ATXN7: variants seen among roughly 807,000 people sequenced by gnomAD.
The protein encoded by ATXN7 is ataxin 7, also known as ataxin-7.
ATXN7 carries 12 observed loss-of-function variants against 70.5 expected under a neutral mutation model. That is an observed-to-expected ratio of 0.17 (90% CI 0.11 to 0.28). The LOEUF (loss-of-function observed/expected upper bound fraction) is 0.28. Ranked by LOEUF, ATXN7 falls within the 10% of genes least tolerant of loss-of-function variation. ATXN7 has a pLI of 1.00. For synonymous variants in ATXN7, 498 were observed against 448.7 expected, an observed-to-expected ratio of 1.11 and a Z score of -1.39; for missense variants, 1,256 against 1,131.7, an observed-to-expected ratio of 1.11 and a Z score of -1.58.
intron 1 of ATXN7, among the ~76,000 whole-genome samples, chr3:63,878,076 A>G (rs1702797443): frequency 6.6e-6 from 1 of 152,230 alleles, no homozygotes; most frequent in African/African-American, 2.4e-5. Context: ...AGAAGGAAGG[A>G]TGGCAGGCAG....
At chr3:63,954,001 T>A (rs921740298) in intron 5 of ATXN7, among the ~76,000 whole-genome samples, 23 of 152,242 alleles carry the variant, frequency 1.5e-4, no homozygotes, top group Non-Finnish European at 1.9e-4. Context: ...ACTGCTGTTG[T>A]TGGGTTAAGA....
In ATXN7 at chr3:63,996,395, A is replaced by T. The variant is rs768488055; in HGVS notation, c.2573A>T (p.Lys858Ile). 6.2e-7 allele frequency: 1 copy of T among 1,614,176 alleles called. No homozygotes were observed. Among genetic ancestry groups the T allele is most frequent in the Admixed American group, 1.7e-5 (1 of 60,028 alleles). Reference protein sequence around the residue: ...NSSSKPTKVAKVPAVNNVHMK... With the variant: ...NSSSKPTKVAIVPAVNNVHMK... Reference sequence around the variant, plus strand: ...AGCAGCAAACCCACAAAGGTTGCCAAAGTGCCAGCCGTGAACAATGTCCAC... The same window carrying T: ...AGCAGCAAACCCACAAAGGTTGCCATAGTGCCAGCCGTGAACAATGTCCAC... Residue 858 changes from lysine to isoleucine, a missense_variant, in exon 12 of 13, where the codon AAA (lysine) becomes ATA (isoleucine). Lys to Ile is a moderately radical substitution (Grantham distance 102). Coordinates refer to ENST00000674280, the MANE Select transcript of ATXN7 (RefSeq NM_001377405.1).
At chr3:63,929,506 C>G (rs928350233) in intron 4 of ATXN7, among the ~76,000 whole-genome samples, 1 of 152,108 alleles carries the variant, frequency 6.6e-6, no homozygotes, top group Non-Finnish European at 1.5e-5. Flanking sequence ...CTCCTGACCT[C>G]GTGATGCGCC....
chr3:64,001,419 G>T lies in ATXN7; in HGVS notation c.*1952G>T, dbSNP rs2075831793. 1 of 152,174 alleles carries T rather than the reference G, an allele frequency of 6.6e-6. No individual in the cohort carries two copies. The highest frequency in any genetic ancestry group is 1.5e-5 in the Non-Finnish European group (1 of 68,034). 9.4% of individuals were successfully genotyped at this position (152,174 alleles called of 1,614,324 possible). On this transcript the variant is annotated 3_prime_UTR_variant, in exon 13 of 13. Transcript: ENST00000674280. Reference sequence around the variant, plus strand: ...GAGAGAGGTGAGAGGGAATCAGAACGTACCTAGTTGATTCCTTGGTGACAA... The same window carrying T: ...GAGAGAGGTGAGAGGGAATCAGAACTTACCTAGTTGATTCCTTGGTGACAA...
chr3:63,946,573 G>A (rs2074867673), intron 4 of ATXN7, among the ~76,000 whole-genome samples: 2 of 151,920 alleles, frequency 1.3e-5, no homozygotes, highest in African/African-American at 2.4e-5. Context: ...AACCCGGGAG[G>A]CGGAGCTTGC....
At chr3:63,916,478 T>C (rs1214812872) in intron 4 of ATXN7, among the ~76,000 whole-genome samples, 1 of 152,246 alleles carries the variant, frequency 6.6e-6, no homozygotes, top group East Asian at 1.9e-4. Context: ...GCCTGTTTTT[T>C]CTTTTCACTT....
chr3:63,878,922 T>C (rs1426731982), intron 1 of ATXN7, among the ~76,000 whole-genome samples: 1 of 152,156 alleles, frequency 6.6e-6, no homozygotes, highest in Non-Finnish European at 1.5e-5. Flanking sequence ...TCCAGTGCCT[T>C]CTATTGGCCA....
intron 2 of ATXN7, among the ~76,000 whole-genome samples, chr3:63,899,953 G>A (rs1049825510): frequency 6.6e-6 from 1 of 152,144 alleles, no homozygotes. Flanking sequence ...GCACAGTGGT[G>A]CATGTGTATA....
At chr3:63,884,227 ACAC>A (rs1703005476) in intron 1 of ATXN7, among the ~76,000 whole-genome samples, 1 of 148,010 alleles carries the variant, frequency 6.8e-6, no homozygotes, top group African/African-American at 2.5e-5. Flanking sequence ...ACACACACAC[ACAC>A]ACACACACAC....
chr3:63,968,590 C>T (rs1559650027), intron 5 of ATXN7: 1 of 152,164 alleles, frequency 6.6e-6, no homozygotes, highest in Non-Finnish European at 1.5e-5. Flanking sequence ...GGAAGAACAA[C>T]TTCAAAATAC....
intron 5 of ATXN7, among the ~76,000 whole-genome samples, chr3:63,953,508 C>T (rs1209319958): frequency 6.6e-6 from 1 of 152,144 alleles, no homozygotes; most frequent in African/African-American, 2.4e-5. Flanking sequence ...GAGAGTAACA[C>T]AGTCCTATTT....
intron 1 of ATXN7, among the ~76,000 whole-genome samples, chr3:63,881,484 A>AT (rs909777356): frequency 0.021 from 2,540 of 120,718 alleles, 38 homozygotes; most frequent in African/African-American, 0.033. Context: ...TGGTTGGAGC[A>AT]TTTTTTTTTT....
intron 4 of ATXN7, among the ~76,000 whole-genome samples, chr3:63,939,726 C>G (rs1336980763): frequency 6.6e-6 from 1 of 152,154 alleles, no homozygotes; most frequent in African/African-American, 2.4e-5. Context: ...ATTTCAACCT[C>G]TCCTCCCCAA....
At chr3:63,967,082 G>A (rs1037573959) in intron 5 of ATXN7, among the ~76,000 whole-genome samples, 1 of 152,302 alleles carries the variant, frequency 6.6e-6, no homozygotes, top group East Asian at 1.9e-4. Flanking sequence ...GGGATTACAG[G>A]TGTGAGCCAT....
intron 11 of ATXN7, among the ~76,000 whole-genome samples, chr3:63,991,326 A>G (rs2075668985): frequency 8.6e-6 from 1 of 115,754 alleles, no homozygotes; most frequent in African/African-American, 3.4e-5. Flanking sequence ...TTTTTTTAAT[A>G]GATGACAAAA....
intron 4 of ATXN7, among the ~76,000 whole-genome samples, chr3:63,946,560 G>C (rs1445379070): frequency 2.0e-5 from 3 of 151,656 alleles, no homozygotes; most frequent in African/African-American, 7.3e-5. Flanking sequence ...GGAGAATGGC[G>C]TGAACCCGGG....
chr3:63,983,167 C>A, intron 8 of ATXN7, 146 bp downstream of exon 8: 3 of 670,468 alleles, frequency 4.5e-6, no homozygotes, highest in South Asian at 1.8e-5. Context: ...TAACTTGGTT[C>A]TGTTGAAGAA....
intron 5 of ATXN7, among the ~76,000 whole-genome samples, chr3:63,961,193 A>AT (rs1360277478): frequency 6.6e-6 from 1 of 152,172 alleles, no homozygotes; most frequent in African/African-American, 2.4e-5. Flanking sequence ...TTCCCCTCAC[A>AT]TAAAAAAAAG....
intron 1 of ATXN7, among the ~76,000 whole-genome samples, chr3:63,891,819 G>T (rs1258813095): frequency 6.6e-6 from 1 of 152,228 alleles, no homozygotes; most frequent in East Asian, 1.9e-4. Flanking sequence ...TTTTAGAGAA[G>T]AGTGAAATTT....
Sources: gnomAD v4.1 joint callset for allele counts (sites outside exome capture counted in the v4.1 genomes callset) on GRCh38, gnomAD v4.1.1 for gene constraint, MANE v1.5 for transcripts, NCBI Gene and HGNC (gene_info 2026-07-23, HGNC 2026-07-21) for gene names.